Variants in DCDC1 observed in about 807,000 individuals in gnomAD.
DCDC1 encodes the protein doublecortin domain-containing protein 1.
A neutral mutation model predicts 178.3 loss-of-function variants in DCDC1; 200 were observed. The ratio of observed to expected loss-of-function variants is 1.12; its 90% CI spans 1.00 to 1.26. The LOEUF (loss-of-function observed/expected upper bound fraction) is 1.26, where lower values mean the gene tolerates loss of function less well. Among genes scored for constraint, DCDC1 ranks in the 50% most tolerant of loss-of-function variants. The pLI is 0.00. For synonymous variants in DCDC1, 690 were observed against 604.8 expected, an observed-to-expected ratio of 1.14 and a Z score of -2.07; for missense variants, 1,983 against 1,749.2, an observed-to-expected ratio of 1.13 and a Z score of -2.38.
chr11:31,223,231 T>C (rs1282020630), intron 9 of DCDC1, among the ~76,000 whole-genome samples: 3 of 152,168 alleles, frequency 2.0e-5, no homozygotes, highest in Non-Finnish European at 4.4e-5. Flanking sequence ...AGAATGGTTA[T>C]TATGTACAAT....
intron 8 of DCDC1, among the ~76,000 whole-genome samples, chr11:31,264,278 C>T (rs1433342441): frequency 6.6e-6 from 1 of 152,138 alleles, no homozygotes; most frequent in East Asian, 1.9e-4. Flanking sequence ...AATCCAAGTA[C>T]TATTTATTGA....
intron 20 of DCDC1, among the ~76,000 whole-genome samples, chr11:30,995,158 A>G (rs1229155721): frequency 1.3e-5 from 2 of 152,268 alleles, no homozygotes; most frequent in East Asian, 1.9e-4. Context: ...TCACATTTAC[A>G]TTTACACAAA....
intron 9 of DCDC1, among the ~76,000 whole-genome samples, chr11:31,171,921 T>C (rs1287948932): frequency 6.6e-6 from 1 of 152,234 alleles, no homozygotes. Context: ...ATAATCATTC[T>C]AGATAGATAT....
At chr11:30,951,258 T>A (rs1948401540) in intron 21 of DCDC1, among the ~76,000 whole-genome samples, 1 of 152,062 alleles carries the variant, frequency 6.6e-6, no homozygotes. Flanking sequence ...AAAAGATAGA[T>A]ACCTACATGG....
At chr11:31,228,151 A>C (rs1975256181) in intron 9 of DCDC1, among the ~76,000 whole-genome samples, 1 of 152,096 alleles carries the variant, frequency 6.6e-6, no homozygotes, top group South Asian at 2.1e-4. Flanking sequence ...ACAAACATGG[A>C]ACATTAATTT....
intron 9 of DCDC1, among the ~76,000 whole-genome samples, chr11:31,171,144 A>T (rs540257523): frequency 5.3e-5 from 8 of 152,236 alleles, no homozygotes; most frequent in Non-Finnish European, 1.0e-4. Context: ...CAGCATTTTG[A>T]TGTGACAGTT....
At chr11:31,095,989 T>C (rs541969269) in intron 15 of DCDC1, among the ~76,000 whole-genome samples, 5 of 152,320 alleles carry the variant, frequency 3.3e-5, no homozygotes, top group East Asian at 1.9e-4. Context: ...TCTACATCTA[T>C]GCTAATGCTA....
At chr11:31,118,397 G>A (rs1006115367) in intron 11 of DCDC1, among the ~76,000 whole-genome samples, 15 of 152,084 alleles carry the variant, frequency 9.9e-5, no homozygotes, top group Admixed American at 9.8e-4. Flanking sequence ...TCAAAACTAG[G>A]TAGAATCTTA....
intron 1 of DCDC1, among the ~76,000 whole-genome samples, chr11:31,362,305 T>G (rs1951748049): frequency 6.6e-6 from 1 of 152,158 alleles, no homozygotes; most frequent in African/African-American, 2.4e-5. Context: ...TAGAGGAATA[T>G]TCATAGAGAC....
chr11:31,294,613 G>A lies in DCDC1; in HGVS notation c.755-3761C>T, dbSNP rs1591668950. Among the ~76,000 whole-genome samples the A allele has an allele frequency of 7.1e-5, 2 of 28,240 alleles. 1 individual carries two copies. Among genetic ancestry groups the A allele is most frequent in the African/African-American group, 2.4e-4 (2 of 8,364 alleles). 18.5% of individuals were successfully genotyped at this position (28,240 alleles called of 152,430 possible). ...GGAAAGGGATGGGGAGGGGAGGGGA[G>A]GGGAGGGGAGGGGAGGGAGGGAAGG... On this transcript the variant is annotated intron_variant, in intron 6 of 38. Coordinates refer to ENST00000684477, the MANE Select transcript of DCDC1 (RefSeq NM_001387274.1).
chr11:30,889,637 C>A (rs899746180), intron 36 of DCDC1, among the ~76,000 whole-genome samples: 10 of 152,154 alleles, frequency 6.6e-5, no homozygotes, highest in African/African-American at 2.2e-4. Flanking sequence ...ACATTCCTAA[C>A]TGATGACAAA....
chr11:30,965,609 T>TG (rs1949383662), intron 20 of DCDC1, among the ~76,000 whole-genome samples: 1 of 151,700 alleles, frequency 6.6e-6, no homozygotes. Context: ...TTTTAATTTT[T>TG]TTTTATTATA....
chr11:31,189,134 A>C (rs951235199), intron 9 of DCDC1, among the ~76,000 whole-genome samples: 5 of 152,136 alleles, frequency 3.3e-5, no homozygotes, highest in African/African-American at 1.2e-4. Flanking sequence ...ACTCAGTCTA[A>C]GGTGTTTTTG....
At chr11:30,947,011 C>T (rs758953948) in intron 21 of DCDC1, among the ~76,000 whole-genome samples, 3 of 152,060 alleles carry the variant, frequency 2.0e-5, no homozygotes, top group Non-Finnish European at 2.9e-5. Flanking sequence ...AATACTTTTC[C>T]AGGATGTTAC....
At chr11:30,998,090 T>A (rs1951369167) in intron 20 of DCDC1, among the ~76,000 whole-genome samples, 1 of 151,592 alleles carries the variant, frequency 6.6e-6, no homozygotes, top group South Asian at 2.1e-4. Context: ...CCCCAGGAGG[T>A]CGAGACCAGT....
intron 34 of DCDC1, among the ~76,000 whole-genome samples, chr11:30,899,167 T>C (rs1944469151): frequency 6.6e-6 from 1 of 151,280 alleles, no homozygotes; most frequent in African/African-American, 2.4e-5. Context: ...TCCCCAGCAA[T>C]ACCCAAGGAA....
chr11:31,245,094 CT>C (rs1214763215), intron 8 of DCDC1, among the ~76,000 whole-genome samples: 1 of 151,532 alleles, frequency 6.6e-6, no homozygotes, highest in Non-Finnish European at 1.5e-5. Flanking sequence ...TATTCTTGTC[CT>C]TCAAGGCTCA....
chr11:31,154,939 C>T (rs1364729712), intron 9 of DCDC1, among the ~76,000 whole-genome samples: 2 of 152,194 alleles, frequency 1.3e-5, no homozygotes, highest in Non-Finnish European at 2.9e-5. Context: ...GCCTTGTGTT[C>T]TGCCAGCTAC....
At chr11:31,038,479 C>A (rs1017820467) in intron 20 of DCDC1, among the ~76,000 whole-genome samples, 3 of 152,040 alleles carry the variant, frequency 2.0e-5, no homozygotes, top group Non-Finnish European at 2.9e-5. Flanking sequence ...AAAAACAGAA[C>A]AAGACTTGAG....
Sources: allele counts gnomAD v4.1 joint callset (sites outside exome capture counted in the v4.1 genomes callset), GRCh38; gene constraint gnomAD v4.1.1; transcripts MANE v1.5; gene names NCBI Gene and HGNC (gene_info 2026-07-23, HGNC 2026-07-21).